The following SPAG17 variants were observed in gnomAD, a reference collection of about 807,000 sequenced individuals.
The protein encoded by SPAG17 is sperm associated antigen 17.
A neutral mutation model predicts 273.6 loss-of-function variants in SPAG17; 169 were observed. That is an observed-to-expected ratio of 0.62 (90% CI 0.55 to 0.70). The LOEUF is 0.70. SPAG17 is among the 30% of genes least tolerant of loss of function. The pLI, the probability that SPAG17 is intolerant of heterozygous loss-of-function variation, is 0.00. For synonymous variants in SPAG17, 825 were observed against 873.2 expected, an observed-to-expected ratio of 0.94 and a Z score of 0.97; for missense variants, 2,557 against 2,627.8, an observed-to-expected ratio of 0.97 and a Z score of 0.59.
chr1:118,077,631 GT>G (rs1292916267), intron 15 of SPAG17, among the ~76,000 whole-genome samples: 1 of 152,188 alleles, frequency 6.6e-6, no homozygotes, highest in East Asian at 1.9e-4. Flanking sequence ...TGACTTCCCT[GT>G]CATTCATTTG....
intron 10 of SPAG17, among the ~76,000 whole-genome samples, chr1:118,089,722 C>T (rs759508110): frequency 6.6e-6 from 1 of 152,152 alleles, no homozygotes; most frequent in African/African-American, 2.4e-5. Context: ...CTACTTATTA[C>T]TTGAACAAAC....
chr1:118,016,066 T>C lies in SPAG17; in HGVS notation c.4186A>G (p.Thr1396Ala). 2 of 1,614,086 alleles carry C rather than the reference T, an allele frequency of 1.2e-6. No homozygotes were observed. Among genetic ancestry groups the C allele is most frequent in the Admixed American group, 1.7e-5 (1 of 60,008 alleles). Residue 1396 changes from threonine (T) to alanine (A), a missense_variant, in exon 29 of 49, where the codon ACC becomes GCC. Thr to Ala is a moderately conservative substitution (Grantham distance 58). Coordinates refer to ENST00000336338, the MANE Select transcript of SPAG17 (RefSeq NM_206996.4). The stretch of plus-strand genomic sequence containing the variant: ...CCGATCCGATTTCCTTCAGGTGTGG[T>C]TGTAAACCAGGTGCCTATGTGAACC... ...VEVHIGTWFTTTPEGNRIGTK... is the reference protein window; with the variant it reads ...VEVHIGTWFTATPEGNRIGTK...
At chr1:118,117,673 C>T (rs550411434) in intron 3 of SPAG17, among the ~76,000 whole-genome samples, 60 of 152,278 alleles carry the variant, frequency 3.9e-4, no homozygotes, top group African/African-American at 1.4e-3. Flanking sequence ...TTGAGGAGTG[C>T]CCTGGGTGGT....
At chr1:118,177,240 T>TA (rs781267927) in intron 1 of SPAG17, among the ~76,000 whole-genome samples, 55 of 152,142 alleles carry the variant, frequency 3.6e-4, no homozygotes, top group Non-Finnish European at 7.1e-4. Flanking sequence ...TCAGAAAACT[T>TA]ACAATCATGG....
intron 1 of SPAG17, among the ~76,000 whole-genome samples, chr1:118,154,021 A>G (rs574332236): frequency 1.1e-4 from 17 of 152,160 alleles, no homozygotes; most frequent in African/African-American, 4.1e-4. Context: ...GCTCCAGGAG[A>G]CATCTTAACA....
At chr1:118,004,952 G>A (rs979133336) in intron 32 of SPAG17, among the ~76,000 whole-genome samples, 2 of 152,156 alleles carry the variant, frequency 1.3e-5, no homozygotes, top group Admixed American at 1.3e-4. Flanking sequence ...CTTCAGGATT[G>A]TGTTCTTGAT....
intron 28 of SPAG17, among the ~76,000 whole-genome samples, chr1:118,020,751 T>A (rs1248062165): frequency 1.3e-5 from 2 of 152,314 alleles, no homozygotes; most frequent in Middle Eastern, 6.8e-3. Flanking sequence ...TGGCAAATTG[T>A]GGACTATGGA....
intron 18 of SPAG17, among the ~76,000 whole-genome samples, chr1:118,064,780 A>C (rs1303169991): frequency 6.6e-6 from 1 of 151,554 alleles, no homozygotes; most frequent in Non-Finnish European, 1.5e-5. Flanking sequence ...AAAAAAAGAA[A>C]GATAATAAAA....
intron 1 of SPAG17, among the ~76,000 whole-genome samples, chr1:118,172,428 T>C (rs539869592): frequency 3.3e-5 from 5 of 152,254 alleles, no homozygotes; most frequent in African/African-American, 9.6e-5. Flanking sequence ...ATGTTTCCTG[T>C]AGTGTCACAG....
At chr1:118,004,354 T>C (rs114406747) in intron 32 of SPAG17, among the ~76,000 whole-genome samples, 9,981 of 152,282 alleles carry the variant, frequency 0.066, 528 homozygotes, top group East Asian at 0.31. Flanking sequence ...TCAGAGCTGT[T>C]GGACAAGGAT....
chr1:117,984,904 G>T, intron 40 of SPAG17, 122 bp from the exon 41 acceptor site: 1 of 629,720 alleles, frequency 1.6e-6, no homozygotes, highest in African/African-American at 1.9e-5. Flanking sequence ...AAACTGACAA[G>T]AATTAATTTA....
intron 29 of SPAG17, 48 bp downstream of exon 29, chr1:118,015,917 A>G (rs1376014872): frequency 6.5e-7 from 1 of 1,545,332 alleles, no homozygotes; most frequent in Non-Finnish European, 8.9e-7. Context: ...GTTGTTTCAG[A>G]ATACTAATGA....
intron 20 of SPAG17, among the ~76,000 whole-genome samples, chr1:118,046,322 G>GT (rs1650350437): frequency 6.6e-6 from 1 of 152,002 alleles, no homozygotes; most frequent in Non-Finnish European, 1.5e-5. Context: ...GGGGGACAGA[G>GT]TGAGACCCTT....
At chr1:118,154,810 A>C (rs542403235) in intron 1 of SPAG17, among the ~76,000 whole-genome samples, 1 of 152,252 alleles carries the variant, frequency 6.6e-6, no homozygotes, top group East Asian at 1.9e-4. Flanking sequence ...AACCCAATTC[A>C]CCACAGGCTA....
intron 4 of SPAG17, among the ~76,000 whole-genome samples, chr1:118,103,757 T>A (rs1174748682): frequency 6.6e-6 from 1 of 151,628 alleles, no homozygotes; most frequent in Non-Finnish European, 1.5e-5. Context: ...CATAAGTAGG[T>A]GATGAAGGAC....
chr1:118,048,067 T>A (rs1295840393), intron 20 of SPAG17, among the ~76,000 whole-genome samples: 1 of 151,832 alleles, frequency 6.6e-6, no homozygotes, highest in Non-Finnish European at 1.5e-5. Context: ...CCTGTCCTCA[T>A]GGCTCAGCAC....
chr1:117,978,484 G>C lies in SPAG17; in HGVS notation c.6004+2786C>G, dbSNP rs565227818. On this transcript the variant is annotated intron_variant, in intron 43 of 48. Coordinates refer to ENST00000336338, the MANE Select transcript of SPAG17 (RefSeq NM_206996.4). ...TCTCTGGCATCATCAAGTTCTCTCT[G>C]GCATGGAATTATCATCATTTGCAAA... 3.9e-5 allele frequency among the ~76,000 whole-genome samples: 6 copies of C among 152,062 alleles called. No individual in the cohort carries two copies. The East Asian group carries it at 1.2e-3, about 29-fold the overall frequency.
Position 117,996,389 on chromosome 1 carries a change from C to T in SPAG17, c.5034G>A (p.Glu1678=), listed in dbSNP as rs1657659512. 1.2e-6 allele frequency: 2 copies of T among 1,612,374 alleles called. No individual in the cohort carries two copies. The highest frequency in any genetic ancestry group is 4.5e-5 in the East Asian group (2 of 44,850). The change falls in exon 34 of 49, where the codon GAG becomes GAA. Residue 1678 remains glutamate (E), a synonymous_variant. Coordinates refer to ENST00000336338, the MANE Select transcript of SPAG17 (RefSeq NM_206996.4). ...YKESNTVVLQ[E]PVQEQPGTLT... The stretch of plus-strand genomic sequence containing the variant: ...CTCTACCTGGCTGTTCCTGCACTGG[C>T]TCTTGGAGAACAACAGTATTTGATT...
Position 118,008,196 on chromosome 1 carries a change from C to A in SPAG17, c.4435G>T (p.Glu1479Ter), listed in dbSNP as rs371232612. 1 of 1,613,626 alleles carries A rather than the reference C, an allele frequency of 6.2e-7. No individual in the cohort carries two copies. Among genetic ancestry groups the A allele is most frequent in the African/African-American group, 1.3e-5 (1 of 75,026 alleles). ...TGCCTGGTGACAGTCCGAGGACCCT[C>A]GGCTACAAGCAAATGCAAGGTAAGC... The part of the protein sequence containing the change: ...IILPDDQETT[E>*]GPRTVTRQVK... Residue 1479 changes from glutamate to a stop codon, truncating the protein, a stop_gained and splice_region_variant, in exon 31 of 49, where the codon GAG (glutamate) becomes TAG (stop). Transcript: ENST00000336338. LOFTEE classifies it high-confidence loss of function.
Sources: gnomAD v4.1 joint callset for allele counts (sites outside exome capture counted in the v4.1 genomes callset) on GRCh38, gnomAD v4.1.1 for gene constraint, MANE v1.5 for transcripts, NCBI Gene and HGNC (gene_info 2026-07-23, HGNC 2026-07-21) for gene names.